The following ACOT2 variants were observed in gnomAD, a reference collection of about 807,000 sequenced individuals.
The protein encoded by ACOT2 is acyl-CoA thioesterase 2, also known as acyl-coenzyme A thioesterase 2, mitochondrial.
A neutral mutation model predicts 20.1 loss-of-function variants in ACOT2; 15 were observed. The ratio of observed to expected loss-of-function variants is 0.75; its 90% confidence interval spans 0.50 to 1.15. The LOEUF (loss-of-function observed/expected upper bound fraction) is 1.15, where lower values mean the gene tolerates loss of function less well. ACOT2 is among the 50% of genes most tolerant of loss of function. The pLI is 0.00. For synonymous variants in ACOT2, 252 were observed against 268.4 expected (o/e 0.94, Z 0.60); for missense variants, 479 against 615.3 (o/e 0.78, Z 2.34).
intron 1 of ACOT2, among the ~76,000 whole-genome samples, chr14:73,571,004 G>A (rs1161277664): frequency 2.8e-5 from 4 of 142,820 alleles, no homozygotes; most frequent in African/African-American, 7.9e-5. Flanking sequence ...TAAGAATTCC[G>A]ACTGGTTTTC....
chr14:73,569,926 A>G (rs1361645661), intron 1 of ACOT2, 43 bp downstream of exon 1: 2 of 1,572,072 alleles, frequency 1.3e-6, no homozygotes, highest in Non-Finnish European at 1.7e-6. Context: ...TTCGCCTTTC[A>G]CTTTGTGTGT....
In ACOT2 at chr14:73,569,624, C is replaced by T. The variant is rs747156719; in HGVS notation, c.384C>T (p.Pro128=). Residue 128 remains proline (P), a synonymous_variant, in exon 1 of 3, where the codon CCC becomes CCT. Coordinates refer to ENST00000238651, the MANE Select transcript of ACOT2 (RefSeq NM_006821.6). ...GCGAGCTGGACCTGGAGCGCGCGCC[C>T]GCGCTGGGCGGCAGCTTCGCGGGGC... ...TLGELDLERA[P]ALGGSFAGLE... is the part of the protein sequence containing the mutation. 4.4e-6 allele frequency: 7 copies of T among 1,600,936 alleles called. No individual in the cohort carries two copies. The African/African-American group carries it at 5.4e-5, about 12-fold the overall frequency.
In ACOT2 at chr14:73,569,713, G is replaced by A. The variant is rs774727898; in HGVS notation, c.473G>A (p.Arg158His). 8 of 1,609,152 alleles carry A rather than the reference G, an allele frequency of 5.0e-6. No homozygotes were observed. Among genetic ancestry groups the A allele is most frequent in the Non-Finnish European group, 6.8e-6 (8 of 1,178,826 alleles). ...PEKPLVRLVK[R>H]DVRTPLAVEL... Reference sequence around the variant, plus strand: ...AAACCTTTGGTGCGGCTGGTGAAGCGCGACGTGCGAACGCCCTTGGCCGTG... The same window carrying A: ...AAACCTTTGGTGCGGCTGGTGAAGCACGACGTGCGAACGCCCTTGGCCGTG... Residue 158 changes from arginine to histidine, a missense_variant, in exon 1 of 3, where the codon CGC (arginine) becomes CAC (histidine). Arg to His is a conservative substitution (Grantham distance 29). This residue lies in a region of ACOT2 where 400 missense variants were observed against 395.5 expected (regional missense o/e 1.01). Transcript: ENST00000238651.
Position 73,569,571 on chromosome 14 carries a change from C to A in ACOT2, c.331C>A (p.His111Asn). The change falls in exon 1 of 3, where the codon CAC becomes AAC. Residue 111 changes from histidine (H) to asparagine (N), a missense_variant. Physicochemically the swap from His to Asn is moderately conservative, Grantham distance 68. Around this residue, in one of 4 missense-constraint regions of ACOT2, gnomAD observed 400 missense variants for 395.5 expected, o/e 1.01. Transcript: ENST00000238651. ...RDEKGALFQA[H>N]ARYRADTLGE... The stretch of plus-strand genomic sequence containing the variant: ...CGAGAAGGGCGCGCTTTTCCAGGCC[C>A]ACGCGCGCTACCGCGCCGACACTCT... 6.2e-7 allele frequency: 1 copy of A among 1,600,200 alleles called. No homozygotes were observed. Among genetic ancestry groups the A allele is most frequent in the Non-Finnish European group, 8.5e-7 (1 of 1,175,090 alleles).
In ACOT2 at chr14:73,573,497, T is replaced by A. The variant is rs770425675; in HGVS notation, c.753T>A (p.Ala251=). ...AGGGTTTTGCTGTGATGGCTCTGGC[T>A]TATTATAACTATGAAGACCTCCCCA... The part of the protein sequence containing the change: ...AGKGFAVMAL[A]YYNYEDLPKT... The change falls in exon 2 of 3, where the codon GCT becomes GCA. Residue 251 remains alanine (A), a synonymous_variant. Coordinates refer to ENST00000238651, the MANE Select transcript of ACOT2 (RefSeq NM_006821.6). The A allele has an allele frequency of 6.2e-7, 1 of 1,613,736 alleles. No homozygotes were observed. The highest frequency in any genetic ancestry group is 1.1e-5 in the South Asian group (1 of 91,030).
chr14:73,568,565 C>CA (rs35487534), upstream of ACOT2, among the ~76,000 whole-genome samples: 3,197 of 143,296 alleles, frequency 0.022, 122 homozygotes, highest in East Asian at 0.2. Context: ...CCCTGTCTCT[C>CA]AAAAAAAAAA....
chr14:73,568,065 A>G (rs913511960), upstream of ACOT2: 2 of 152,166 alleles, frequency 1.3e-5, no homozygotes, highest in Admixed American at 1.3e-4. Context: ...CCAGACACAG[A>G]ATTATTTGCC....
intron 1 of ACOT2, 44 bp downstream of exon 1, chr14:73,569,927 CT>C: frequency 4.5e-6 from 7 of 1,568,598 alleles, no homozygotes; most frequent in Non-Finnish European, 6.0e-6. Context: ...TCGCCTTTCA[CT>C]TTGTGTGTCT....
chr14:73,569,860 G>T lies in ACOT2; in HGVS notation c.620G>T (p.Arg207Leu), dbSNP rs775410758. Residue 207 changes from arginine to leucine, a missense_variant, in exon 1 of 3, where the codon CGA (arginine) becomes CTA (leucine). By Grantham distance (102) the Arg-to-Leu change is moderately radical. This residue lies in a region of ACOT2 where 400 missense variants were observed against 395.5 expected (regional missense o/e 1.01). Coordinates refer to ENST00000238651, the MANE Select transcript of ACOT2 (RefSeq NM_006821.6). Reference sequence around the variant, plus strand: ...GAGCCGGTGCGCGTGGGCCGGGTGCGAGGCACGCTCTTCCTGCCGCCAGGT... The same window carrying T: ...GAGCCGGTGCGCGTGGGCCGGGTGCTAGGCACGCTCTTCCTGCCGCCAGGT... ...RREPVRVGRV[R>L]GTLFLPPEPG... 2 of 1,605,012 alleles carry T rather than the reference G, an allele frequency of 1.2e-6. No individual in the cohort carries two copies. The highest frequency in any genetic ancestry group is 1.7e-6 in the Non-Finnish European group (2 of 1,176,316).
chr14:73,571,638 G>C (rs568065012), intron 1 of ACOT2: 1 of 150,968 alleles, frequency 6.6e-6, no homozygotes, highest in Non-Finnish European at 1.5e-5. Flanking sequence ...GCAGGAGGCC[G>C]TCTGGAAGCT....
Position 73,575,078 on chromosome 14 carries a change from C to G in ACOT2, c.1017C>G (p.Val339=). The change falls in exon 3 of 3, where the codon GTC becomes GTG. Residue 339 remains valine (V), a synonymous_variant. Transcript: ENST00000238651. ...GCGAGACCCTGCCCCCTGTGGGCGT[C>G]AACAGAAATCGCATCAAGGTGACCA... is the stretch of plus-strand genomic sequence containing the variant. ...YKGETLPPVG[V]NRNRIKVTKD... 6.8e-7 allele frequency: 1 copy of G among 1,478,242 alleles called. No individual in the cohort carries two copies. Among genetic ancestry groups the G allele is most frequent in the Non-Finnish European group, 9.2e-7 (1 of 1,081,646 alleles). 91.6% of individuals were successfully genotyped at this position (1,478,242 alleles called of 1,614,324 possible).
chr14:73,570,644 C>T (rs548630951), intron 1 of ACOT2, among the ~76,000 whole-genome samples: 6 of 152,116 alleles, frequency 3.9e-5, no homozygotes, highest in East Asian at 1.9e-4. Context: ...GTGGCTAACG[C>T]CTGTAATCCT....
chr14:73,569,605 T>G lies in ACOT2; in HGVS notation c.365T>G (p.Leu122Arg), dbSNP rs748967871. The G allele has an allele frequency of 1.2e-6, 2 of 1,601,958 alleles. No individual in the cohort carries two copies. The highest frequency in any genetic ancestry group is 1.3e-5 in the African/African-American group (1 of 74,736). Residue 122 changes from leucine to arginine, a missense_variant, in exon 1 of 3, where the codon CTG (leucine) becomes CGG (arginine). Leu to Arg is a moderately radical substitution (Grantham distance 102, BLOSUM62 -2). Coordinates refer to ENST00000238651, the MANE Select transcript of ACOT2 (RefSeq NM_006821.6). ...TACCGCGCCGACACTCTTGGCGAGC[T>G]GGACCTGGAGCGCGCGCCCGCGCTG... ...ARYRADTLGELDLERAPALGG... is the reference protein window; with the variant it reads ...ARYRADTLGERDLERAPALGG...
chr14:73,569,988 C>CG (rs1889689575), intron 1 of ACOT2, 105 bp downstream of exon 1: 1 of 1,442,982 alleles, frequency 6.9e-7, no homozygotes, highest in African/African-American at 1.4e-5. Context: ...GCCGCGCCCC[C>CG]GGGCTATATT....
upstream of ACOT2, among the ~76,000 whole-genome samples, chr14:73,568,848 A>G (rs1186348444): frequency 6.6e-6 from 1 of 152,058 alleles, no homozygotes; most frequent in East Asian, 1.9e-4. Context: ...ATATACAGAG[A>G]ACACAAAAGC....
chr14:73,572,622 G>A (rs1159968319), intron 1 of ACOT2, among the ~76,000 whole-genome samples: 1 of 119,138 alleles, frequency 8.4e-6, no homozygotes, highest in East Asian at 2.9e-4. Context: ...TAAAAGTGTT[G>A]CCTGTAAGGT....
chr14:73,570,969 G>A (rs1179912493), intron 1 of ACOT2, among the ~76,000 whole-genome samples: 2 of 134,160 alleles, frequency 1.5e-5, no homozygotes, highest in African/African-American at 5.5e-5. Flanking sequence ...TATTGACTAG[G>A]AAGCCACTTT....
upstream of ACOT2, among the ~76,000 whole-genome samples, chr14:73,568,288 T>C (rs1221941076): frequency 6.6e-6 from 1 of 151,528 alleles, no homozygotes; most frequent in Non-Finnish European, 1.5e-5. Context: ...TTTCTCTAAT[T>C]ACACAGGTAG....
At chr14:73,569,976 C>A (rs554766890) in intron 1 of ACOT2, 93 bp downstream of exon 1, 3 of 1,462,068 alleles carry the variant, frequency 2.1e-6, no homozygotes, top group Non-Finnish European at 2.7e-6. Flanking sequence ...GTATGCCCCC[C>A]CGCCGCGCCC....
Sources: allele counts gnomAD v4.1 joint callset (sites outside exome capture counted in the v4.1 genomes callset), GRCh38; gene constraint gnomAD v4.1.1; regional missense constraint gnomAD v4.1.1; transcripts MANE v1.5; gene names NCBI Gene and HGNC (gene_info 2026-07-23, HGNC 2026-07-21).